The following OAS2 variants were observed in gnomAD, a reference collection of about 807,000 sequenced individuals.
OAS2 encodes the protein 2'-5'-oligoadenylate synthase 2.
Under a neutral mutation model 71.3 loss-of-function variants are expected in OAS2, and 67 were observed. That is an observed-to-expected ratio of 0.94 (90% CI 0.77 to 1.15). The LOEUF is 1.15. OAS2 is among the 50% of genes most tolerant of loss of function. The pLI, the probability that OAS2 is intolerant of heterozygous loss-of-function variation, is 0.00. For synonymous variants in OAS2, 327 were observed against 321.8 expected (o/e 1.02, Z -0.17); for missense variants, 789 against 822.5 (o/e 0.96, Z 0.50).
At chr12:112,988,734 C>T (rs2044163778) in intron 2 of OAS2, 1 of 985,206 alleles carries the variant, frequency 1.0e-6, no homozygotes, top group Non-Finnish European at 1.2e-6. Context: ...TGGCGCATTC[C>T]TCCTTCTCCT....
intron 2 of OAS2, among the ~76,000 whole-genome samples, chr12:112,990,303 G>A (rs542391755): frequency 4.6e-5 from 7 of 152,298 alleles, no homozygotes; most frequent in Admixed American, 2.0e-4. Flanking sequence ...AGGCAGAAAC[G>A]TAAATCAGTA....
chr12:112,998,306 A>C lies in OAS2; in HGVS notation c.904A>C (p.Ser302Arg). The change falls in exon 5 of 10, where the codon AGT (serine) becomes CGT (arginine). Residue 302 changes from serine (S) to arginine (R), a missense_variant. By Grantham distance (110) the Ser-to-Arg change is moderately radical. Transcript: ENST00000392583. ...LDPVDPTNNVSGDKICWQWLK... is the reference protein window; with the variant it reads ...LDPVDPTNNVRGDKICWQWLK... Reference sequence around the variant, plus strand: ...TCCAGTTGACCCAACCAATAATGTGAGTGGAGATAAAATATGCTGGCAATG... The same window carrying C: ...TCCAGTTGACCCAACCAATAATGTGCGTGGAGATAAAATATGCTGGCAATG... 6.2e-7 allele frequency: 1 copy of C among 1,612,668 alleles called. No homozygotes were observed. The highest frequency in any genetic ancestry group is 8.5e-7 in the Non-Finnish European group (1 of 1,179,574).
intron 2 of OAS2, 75 bp downstream of exon 2, chr12:112,987,383 A>T (rs763794409): frequency 6.3e-7 from 1 of 1,578,074 alleles, no homozygotes; most frequent in East Asian, 2.3e-5. Flanking sequence ...CCTCTAGGCC[A>T]TGAGTGGGAT....
intron 2 of OAS2, among the ~76,000 whole-genome samples, chr12:112,989,553 G>T (rs145548757): frequency 2.6e-4 from 39 of 152,338 alleles, no homozygotes; most frequent in African/African-American, 9.1e-4. Flanking sequence ...ATCATCAATA[G>T]AAGGGAATGT....
Position 113,009,995 on chromosome 12 carries a change from G to A in OAS2, c.*740G>A, listed in dbSNP as rs1052798971. The A allele has an allele frequency of 7.9e-5, 78 of 982,624 alleles. No homozygotes were observed. Among genetic ancestry groups the A allele is most frequent in the Non-Finnish European group, 8.7e-5 (72 of 826,050 alleles). 60.9% of individuals were successfully genotyped at this position (982,624 alleles called of 1,614,324 possible). ...ACTTACTCACATTTGGGGCTAGACA[G>A]TTCTTTGTTTGGAGGCTCTCTTGTG... On this transcript the variant is annotated 3_prime_UTR_variant, in exon 10 of 10. Transcript: ENST00000392583.
At chr12:112,999,435 C>T (rs2044264234) in intron 5 of OAS2, among the ~76,000 whole-genome samples, 1 of 152,230 alleles carries the variant, frequency 6.6e-6, no homozygotes, top group South Asian at 2.1e-4. Context: ...TTCCACAGTT[C>T]ACAGACAGAT....
chr12:112,987,867 A>G (rs2044154488), intron 2 of OAS2: 2 of 986,184 alleles, frequency 2.0e-6, no homozygotes, highest in African/African-American at 3.5e-5. Flanking sequence ...CCCAACTCCT[A>G]AATCCCTAAG....
At chr12:113,007,353 G>A (rs1455925918) in intron 8 of OAS2, among the ~76,000 whole-genome samples, 2 of 152,152 alleles carry the variant, frequency 1.3e-5, no homozygotes, top group Non-Finnish European at 1.5e-5. Flanking sequence ...TCCACTTCCC[G>A]CAGCTTCAAA....
chr12:113,004,252 G>A (rs1388244045), intron 6 of OAS2, among the ~76,000 whole-genome samples: 2 of 152,206 alleles, frequency 1.3e-5, no homozygotes, highest in Non-Finnish European at 2.9e-5. Flanking sequence ...GGGATGAATT[G>A]AGGATCTGCA....
At position 112,997,652 on chromosome 12, in the gene OAS2, C is replaced by T. The variant is rs1342045564; in HGVS notation, c.760C>T (p.Leu254=). 1.2e-6 allele frequency: 2 copies of T among 1,614,094 alleles called. No homozygotes were observed. The highest frequency in any genetic ancestry group is 1.7e-6 in the Non-Finnish European group (2 of 1,179,982). The change falls in exon 4 of 10, where the codon CTG becomes TTG. Residue 254 remains leucine (L), a synonymous_variant. Coordinates refer to ENST00000392583, the MANE Select transcript of OAS2 (RefSeq NM_002535.3). ...TGAAGGCGTCAGAACCGTACTGGAGCTGATCAAATGCCAGGAGAAGCTGTG... is the reference window on the plus strand; with the variant it reads ...TGAAGGCGTCAGAACCGTACTGGAGTTGATCAAATGCCAGGAGAAGCTGTG... ...IAEGVRTVLE[L]IKCQEKLCIY...
In OAS2 at chr12:113,009,941, T is replaced by A; in HGVS notation, c.*686T>A. On this transcript the variant is annotated 3_prime_UTR_variant, in exon 10 of 10. Transcript: ENST00000392583. ...ACTTGGTTCTCTCCACCAGGTTCTT[T>A]CTTTAAAGCAGGATTTCTCAACTTT... The A allele has an allele frequency of 1.0e-6, 1 of 987,724 alleles. No homozygotes were observed. Among genetic ancestry groups the A allele is most frequent in the Non-Finnish European group, 1.2e-6 (1 of 831,660 alleles). The allele number at this position is 987,724 out of a possible 1,614,324, so 61.2% of individuals were successfully genotyped here. A position where few individuals can be genotyped will look rare whatever the true frequency, so the allele number is the denominator to read the frequency against.
Position 112,978,744 on chromosome 12 carries a change from C to T in OAS2, c.136C>T (p.Gln46Ter), listed in dbSNP as rs1255897571. The T allele has an allele frequency of 3.7e-6, 6 of 1,613,952 alleles. No individual in the cohort carries two copies. Among genetic ancestry groups the T allele is most frequent in the Non-Finnish European group, 5.1e-6 (6 of 1,179,968 alleles). Residue 46 changes from glutamine (Q) to a stop codon, truncating the protein, a stop_gained, in exon 1 of 10, where the codon CAG becomes TAG. Coordinates refer to ENST00000392583, the MANE Select transcript of OAS2 (RefSeq NM_002535.3). LOFTEE classifies it high-confidence loss of function. The surrounding 1 kb of genome is among the most constrained non-coding windows in gnomAD (Gnocchi z 4.2). ...GGTGAACACCATCTGTGACGTCCTGCAGGAACCCGAACAGTTCCCCCTGGT... is the reference window on the plus strand; with the variant it reads ...GGTGAACACCATCTGTGACGTCCTGTAGGAACCCGAACAGTTCCCCCTGGT... ...EMVNTICDVL[Q>*]EPEQFPLVQG...
At chr12:112,984,042 G>C (rs987967456) in intron 1 of OAS2, among the ~76,000 whole-genome samples, 15 of 151,696 alleles carry the variant, frequency 9.9e-5, no homozygotes, top group African/African-American at 3.1e-4. Flanking sequence ...GGTCCATTTG[G>C]ACTATAATGC....
At chr12:112,984,282 C>T (rs1296903754) in intron 1 of OAS2, among the ~76,000 whole-genome samples, 1 of 152,096 alleles carries the variant, frequency 6.6e-6, no homozygotes, top group South Asian at 2.1e-4. Flanking sequence ...TACTTATATC[C>T]TCTGGCTGAA....
chr12:112,982,469 G>A lies in OAS2; in HGVS notation c.177+3684G>A, dbSNP rs545057640. ...CATTATGTTGATGTGATGTGCAAAT[G>A]TTCAACATTTGTTGACTTGCTCATG... On this transcript the variant is annotated intron_variant, in intron 1 of 9. Coordinates refer to ENST00000392583, the MANE Select transcript of OAS2 (RefSeq NM_002535.3). 1.6e-3 allele frequency among the ~76,000 whole-genome samples: 247 copies of A among 152,262 alleles called. 1 individual carries two copies. The highest frequency in any genetic ancestry group is 5.5e-3 in the Admixed American group (84 of 15,298).
intron 2 of OAS2, among the ~76,000 whole-genome samples, chr12:112,993,874 A>C (rs556974128): frequency 6.6e-6 from 1 of 152,288 alleles, no homozygotes; most frequent in South Asian, 2.1e-4. Context: ...TCTGTCTCTA[A>C]AAGTAAGAAT....
At chr12:113,002,498 A>T (rs746743159) in intron 5 of OAS2, among the ~76,000 whole-genome samples, 1 of 152,260 alleles carries the variant, frequency 6.6e-6, no homozygotes, top group Non-Finnish European at 1.5e-5. Flanking sequence ...TACAACCTTA[A>T]GAAAGGAATG....
At chr12:113,003,575 T>C (rs1236506404) in intron 6 of OAS2, among the ~76,000 whole-genome samples, 1 of 152,060 alleles carries the variant, frequency 6.6e-6, no homozygotes, top group Non-Finnish European at 1.5e-5. Context: ...TTTTTAGGGG[T>C]CCACCATTGA....
chr12:113,008,049 CG>C, intron 9 of OAS2, 106 bp downstream of exon 9: 3 of 819,840 alleles, frequency 3.7e-6, no homozygotes, highest in Non-Finnish European at 4.1e-6. Flanking sequence ...CCTTGCATGA[CG>C]GGGGAAAGTG....
Sources: gnomAD v4.1 joint callset for allele counts (sites outside exome capture counted in the v4.1 genomes callset) on GRCh38, gnomAD v4.1.1 for gene constraint, Gnocchi (gnomAD v3.1) non-coding constraint, MANE v1.5 for transcripts, NCBI Gene and HGNC (gene_info 2026-07-23, HGNC 2026-07-21) for gene names.